The following ANKRD30B variants were observed in gnomAD, a reference collection of about 807,000 sequenced individuals.
ANKRD30B encodes the protein ankyrin repeat domain 30B, also known as ankyrin repeat domain-containing protein 30B.
ANKRD30B carries 144 observed loss-of-function variants against 202.2 expected under a neutral mutation model. The observed-to-expected ratio is 0.71, with a 90% CI of 0.62 to 0.82. ANKRD30B has a LOEUF of 0.82. ANKRD30B is among the 40% of genes least tolerant of loss of function. The probability of loss-of-function intolerance (pLI) is 0.00; values close to 1 mark genes in which losing one functional copy is unlikely to be tolerated. For synonymous variants in ANKRD30B, 508 were observed against 561.3 expected, an observed-to-expected ratio of 0.91 and a Z score of 1.34; for missense variants, 1,487 against 1,669.1, an observed-to-expected ratio of 0.89 and a Z score of 1.90.
At chr18:14,923,655 G>T in the ANKRD30B span, among the ~76,000 whole-genome samples, 1 of 152,216 alleles carries the variant, frequency 6.6e-6, no homozygotes, top group African/African-American at 2.4e-5. Context: ...AGTGAAAATA[G>T]CAACAAGGTA....
At chr18:14,760,143 G>A (rs1455306187) in intron 5 of ANKRD30B, among the ~76,000 whole-genome samples, 1 of 152,126 alleles carries the variant, frequency 6.6e-6, no homozygotes, top group Non-Finnish European at 1.5e-5. Flanking sequence ...TTTTAAAAAT[G>A]TTATCTTGTT....
At chr18:14,822,583 T>C (rs1970477581) in intron 31 of ANKRD30B, 22 bp from the exon 32 acceptor site, 1 of 1,186,754 alleles carries the variant, frequency 8.4e-7, no homozygotes, top group East Asian at 2.6e-5. Flanking sequence ...ATAGTAATTA[T>C]TGTGTTTCCA....
chr18:14,834,083 C>G (rs548430889), intron 34 of ANKRD30B, among the ~76,000 whole-genome samples: 118 of 152,122 alleles, frequency 7.8e-4, no homozygotes, highest in African/African-American at 2.7e-3. Context: ...TTATTCTTAG[C>G]TTTTTGCCAC....
At chr18:14,758,971 A>G (rs182636614) in intron 5 of ANKRD30B, among the ~76,000 whole-genome samples, 1 of 152,142 alleles carries the variant, frequency 6.6e-6, no homozygotes, top group African/African-American at 2.4e-5. Flanking sequence ...GTGGGTTCCA[A>G]CTTGTGGTTG....
the ANKRD30B span, among the ~76,000 whole-genome samples, chr18:14,898,263 T>C: frequency 6.6e-6 from 1 of 152,166 alleles, no homozygotes; most frequent in Non-Finnish European, 1.5e-5. Flanking sequence ...TGTGAGACGA[T>C]ACTCTAAACC....
intron 34 of ANKRD30B, among the ~76,000 whole-genome samples, chr18:14,833,946 G>T (rs1300803882): frequency 6.6e-6 from 1 of 152,088 alleles, no homozygotes; most frequent in Non-Finnish European, 1.5e-5. Context: ...TGTCTCAATT[G>T]TCAGCATATT....
intron 20 of ANKRD30B, among the ~76,000 whole-genome samples, chr18:14,798,386 T>G (rs1252048148): frequency 6.6e-6 from 1 of 152,094 alleles, no homozygotes; most frequent in East Asian, 1.9e-4. Context: ...CAATATAGTG[T>G]GTGCATCGGT....
chr18:14,897,557 A>C, the ANKRD30B span, among the ~76,000 whole-genome samples: 9 of 152,318 alleles, frequency 5.9e-5, no homozygotes, highest in South Asian at 1.7e-3. Context: ...TTGATTTTAG[A>C]TGTTATGAAA....
the ANKRD30B span, among the ~76,000 whole-genome samples, chr18:14,910,884 T>G: frequency 2.0e-5 from 3 of 152,204 alleles, no homozygotes; most frequent in African/African-American, 7.2e-5. Context: ...ATTAGTGATG[T>G]TCAGCATTCT....
chr18:14,882,917 A>C, the ANKRD30B span, among the ~76,000 whole-genome samples: 1 of 152,196 alleles, frequency 6.6e-6, no homozygotes, highest in South Asian at 2.1e-4. Context: ...TCATATGAGA[A>C]TAGCTACTGC....
At chr18:14,766,890 A>G (rs959799970) in intron 7 of ANKRD30B, among the ~76,000 whole-genome samples, 13 of 152,226 alleles carry the variant, frequency 8.5e-5, no homozygotes, top group African/African-American at 2.9e-4. Flanking sequence ...AATTTCAAGC[A>G]GTAAGATTAC....
chr18:14,866,975 G>A, the ANKRD30B span, among the ~76,000 whole-genome samples: 1 of 9,258 alleles, frequency 1.1e-4, no homozygotes, highest in Admixed American at 1.1e-3. Context: ...CTGGCAGGCA[G>A]TCCGGGGGTG....
At chr18:14,809,853 A>G (rs1288686587) in intron 26 of ANKRD30B, 133 bp from the exon 27 acceptor site, 12 of 892,412 alleles carry the variant, frequency 1.3e-5, no homozygotes, top group Admixed American at 5.8e-5. Flanking sequence ...ATAACCCAAA[A>G]GACCCCAAAA....
intron 1 of ANKRD30B, among the ~76,000 whole-genome samples, chr18:14,749,612 A>G (rs1175546571): frequency 7.3e-6 from 1 of 136,730 alleles, no homozygotes; most frequent in Non-Finnish European, 1.5e-5. Context: ...TGGAGGTTGC[A>G]GTGAGCCGAG....
the ANKRD30B span, among the ~76,000 whole-genome samples, chr18:14,876,077 C>T: frequency 6.6e-6 from 1 of 151,966 alleles, no homozygotes; most frequent in Non-Finnish European, 1.5e-5. Context: ...TGTGCCTAAG[C>T]CTGGGTCGTG....
intron 18 of ANKRD30B, 111 bp from the exon 19 acceptor site, chr18:14,797,550 C>A (rs371870783): frequency 1.6e-4 from 203 of 1,252,146 alleles, no homozygotes; most frequent in Non-Finnish European, 2.1e-4. Flanking sequence ...CTAGTGTAAT[C>A]CCTTTCCAAT....
intron 15 of ANKRD30B, among the ~76,000 whole-genome samples, chr18:14,788,139 A>G (rs1289272172): frequency 6.6e-6 from 1 of 152,204 alleles, no homozygotes; most frequent in African/African-American, 2.4e-5. Flanking sequence ...ATGACCATGA[A>G]TATTTTAAAT....
chr18:14,906,500 A>G, the ANKRD30B span, among the ~76,000 whole-genome samples: 1 of 152,242 alleles, frequency 6.6e-6, no homozygotes, highest in African/African-American at 2.4e-5. Context: ...GCTCATTTTC[A>G]GCCTCAATAT....
At chr18:14,880,814 T>C in the ANKRD30B span, among the ~76,000 whole-genome samples, 2 of 152,176 alleles carry the variant, frequency 1.3e-5, no homozygotes, top group Non-Finnish European at 2.9e-5. Context: ...TTCCTCAGTT[T>C]TGTTGTTTTA....
Sources: gnomAD v4.1 joint callset for allele counts (sites outside exome capture counted in the v4.1 genomes callset) on GRCh38, gnomAD v4.1.1 for gene constraint, MANE v1.5 for transcripts, NCBI Gene and HGNC (gene_info 2026-07-23, HGNC 2026-07-21) for gene names.